FOXP1: variants seen among roughly 807,000 people sequenced by gnomAD.
FOXP1 encodes forkhead box protein P1.
Under a neutral mutation model 98.2 loss-of-function variants are expected in FOXP1, and 15 were observed. That is an observed-to-expected ratio of 0.15 (90% CI 0.10 to 0.24). FOXP1 has a LOEUF of 0.24. Ranked by LOEUF, FOXP1 falls within the 10% of genes least tolerant of loss-of-function variation. The pLI, the probability that FOXP1 is intolerant of heterozygous loss-of-function variation, is 1.00. For synonymous variants in FOXP1, 371 were observed against 314.5 expected, an observed-to-expected ratio of 1.18 and a Z score of -1.90; for missense variants, 633 against 848.5, an observed-to-expected ratio of 0.75 and a Z score of 3.15.
At chr3:71,341,092 T>G (rs1249213651) in intron 4 of FOXP1, among the ~76,000 whole-genome samples, 1 of 152,106 alleles carries the variant, frequency 6.6e-6, no homozygotes, top group Non-Finnish European at 1.5e-5. Flanking sequence ...ATAGAAGGCA[T>G]GAACAACACT....
At chr3:71,428,947 C>G (rs990276333) in intron 3 of FOXP1, among the ~76,000 whole-genome samples, 13 of 152,212 alleles carry the variant, frequency 8.5e-5, no homozygotes, top group Non-Finnish European at 1.6e-4. Flanking sequence ...GTCCATTCTA[C>G]TGTGCAATTA....
chr3:71,431,059 G>T (rs6549390), intron 3 of FOXP1, among the ~76,000 whole-genome samples: 13,663 of 152,252 alleles, frequency 0.09, 887 homozygotes, highest in African/African-American at 0.18. Context: ...CAGGCAGGGA[G>T]GTGAGTGGTG....
intron 3 of FOXP1, among the ~76,000 whole-genome samples, chr3:71,387,628 T>C (rs954809304): frequency 2.0e-5 from 3 of 152,216 alleles, no homozygotes; most frequent in Admixed American, 6.5e-5. Flanking sequence ...ATGTATCAAC[T>C]TCTTGCTGTG....
chr3:71,581,200 G>A, intron 2 of FOXP1: 2 of 985,274 alleles, frequency 2.0e-6, no homozygotes, highest in Non-Finnish European at 2.4e-6. Flanking sequence ...GCCCAGCAAG[G>A]GTATTTGGAT....
intron 5 of FOXP1, among the ~76,000 whole-genome samples, chr3:71,274,915 C>T (rs2070742525): frequency 6.6e-6 from 1 of 152,198 alleles, no homozygotes; most frequent in Non-Finnish European, 1.5e-5. Context: ...ACACTTTGCT[C>T]TTTGCCATTC....
chr3:71,147,629 C>G (rs868328089), intron 6 of FOXP1, among the ~76,000 whole-genome samples: 26 of 152,296 alleles, frequency 1.7e-4, no homozygotes, highest in Non-Finnish European at 3.1e-4. Flanking sequence ...AAATTTATCT[C>G]TCTCTACTGG....
At chr3:71,383,595 C>G (rs1249084970) in intron 3 of FOXP1, among the ~76,000 whole-genome samples, 1 of 152,124 alleles carries the variant, frequency 6.6e-6, no homozygotes, top group African/African-American at 2.4e-5. Context: ...AAAGTAGCTT[C>G]AGTTTTTGCT....
At chr3:71,372,559 A>G (rs2079417129) in intron 3 of FOXP1, among the ~76,000 whole-genome samples, 1 of 152,174 alleles carries the variant, frequency 6.6e-6, no homozygotes, top group Non-Finnish European at 1.5e-5. Flanking sequence ...TCTAGTAGAA[A>G]GAAGCCGAGA....
chr3:71,157,050 T>C (rs985558592), intron 6 of FOXP1, among the ~76,000 whole-genome samples: 1 of 151,812 alleles, frequency 6.6e-6, no homozygotes, highest in Non-Finnish European at 1.5e-5. Context: ...CACAAGAGAG[T>C]GGAGGAGCAT....
chr3:71,524,812 C>T (rs1390578949), intron 2 of FOXP1, among the ~76,000 whole-genome samples: 1 of 152,158 alleles, frequency 6.6e-6, no homozygotes, highest in Non-Finnish European at 1.5e-5. Flanking sequence ...TCTACTTGAC[C>T]CCACAGAAAT....
intron 3 of FOXP1, among the ~76,000 whole-genome samples, chr3:71,428,626 G>C (rs1348565044): frequency 6.6e-6 from 1 of 152,154 alleles, no homozygotes; most frequent in East Asian, 1.9e-4. Context: ...TTCTAAAGAG[G>C]CCCCCCTATG....
rs573639526 is a variant in FOXP1 at position 71,176,743 on chromosome 3, C to CAAAAAAAAAA, written c.180+21449_180+21458dup. Among the ~76,000 whole-genome samples, 87 of 75,546 alleles carry CAAAAAAAAAA rather than the reference C, an allele frequency of 1.2e-3. 2 individuals carry two copies. Among genetic ancestry groups the CAAAAAAAAAA allele is most frequent in the African/African-American group, 5.3e-3 (86 of 16,112 alleles). The allele number at this position is 75,546 out of a possible 152,430, so 49.6% of individuals were successfully genotyped here. ...AGGGCAACAGAGCAAGAGGCTATCT[C>CAAAAAAAAAA]AAAAAAAAAAAAAAAAAAAAAAAAA... On this transcript the variant is annotated intron_variant, in intron 6 of 20. Coordinates refer to ENST00000649528, the MANE Select transcript of FOXP1 (RefSeq NM_001349338.3).
chr3:71,450,126 G>C (rs528721092), intron 3 of FOXP1, among the ~76,000 whole-genome samples: 1 of 152,306 alleles, frequency 6.6e-6, no homozygotes, highest in East Asian at 1.9e-4. Context: ...GAAGAGGTAG[G>C]TGGAAGACAA....
intron 12 of FOXP1, among the ~76,000 whole-genome samples, chr3:71,007,764 C>G (rs1363763758): frequency 2.0e-5 from 3 of 152,162 alleles, no homozygotes; most frequent in African/African-American, 7.2e-5. Flanking sequence ...CAAAACTCTT[C>G]ACAGTTTTGA....
chr3:71,021,728 G>A (rs1001020891), intron 11 of FOXP1, among the ~76,000 whole-genome samples: 2 of 152,154 alleles, frequency 1.3e-5, no homozygotes, highest in Non-Finnish European at 2.9e-5. Flanking sequence ...TCACAGCTAG[G>A]AAATGGTACC....
intron 6 of FOXP1, among the ~76,000 whole-genome samples, chr3:71,123,679 G>A (rs767949656): frequency 3.3e-5 from 5 of 151,976 alleles, no homozygotes; most frequent in Non-Finnish European, 7.4e-5. Flanking sequence ...TGACCCACTC[G>A]GCATGGCTTT....
intron 6 of FOXP1, among the ~76,000 whole-genome samples, chr3:71,154,597 C>T (rs558314187): frequency 1.3e-5 from 2 of 152,274 alleles, no homozygotes; most frequent in East Asian, 3.9e-4. Context: ...CAATATTGGG[C>T]GGAGGCAAAG....
At chr3:71,300,201 T>G (rs2073726866) in intron 4 of FOXP1, among the ~76,000 whole-genome samples, 1 of 152,236 alleles carries the variant, frequency 6.6e-6, no homozygotes, top group Admixed American at 6.5e-5. Flanking sequence ...CCTCTGTTTT[T>G]GGAAACCAGA....
At chr3:71,055,005 C>T (rs1030248558) in intron 7 of FOXP1, among the ~76,000 whole-genome samples, 1 of 151,762 alleles carries the variant, frequency 6.6e-6, no homozygotes, top group Admixed American at 6.6e-5. Flanking sequence ...AATAGCTGAT[C>T]AGAAGATAAA....
Sources: allele counts gnomAD v4.1 joint callset (sites outside exome capture counted in the v4.1 genomes callset), GRCh38; gene constraint gnomAD v4.1.1; transcripts MANE v1.5; gene names NCBI Gene and HGNC (gene_info 2026-07-23, HGNC 2026-07-21).